The following FBXW8 variants were observed in gnomAD, a reference collection of about 807,000 sequenced individuals.
FBXW8 encodes F-box and WD repeat domain containing 8, also known as F-box/WD repeat-containing protein 8.
Under a neutral mutation model 65.3 loss-of-function variants are expected in FBXW8, and 57 were observed. The ratio of observed to expected loss-of-function variants is 0.87; its 90% CI spans 0.71 to 1.09. FBXW8 has a LOEUF of 1.09. FBXW8 is among the 50% of genes least tolerant of loss of function. The pLI, the probability that FBXW8 is intolerant of heterozygous loss-of-function variation, is 0.00. For missense variants in FBXW8, 777 were observed against 814.8 expected (o/e 0.95, Z 0.57); for synonymous variants, 308 against 330.2 (o/e 0.93, Z 0.73).
intron 5 of FBXW8, among the ~76,000 whole-genome samples, chr12:116,969,807 T>C (rs1193154527): frequency 6.6e-6 from 1 of 151,992 alleles, no homozygotes; most frequent in Admixed American, 6.5e-5. Context: ...CTTTGCTCCG[T>C]AGGAACACTG....
chr12:116,964,757 C>T lies in FBXW8; in HGVS notation c.738C>T (p.Phe246=). The part of the protein sequence containing the change: ...DTRTWDYVAP[F]LESEDEEDEP... ...GCACCTGGGACTACGTAGCCCCCTT[C>T]CTGGAATCAGAGGACGAGGAGGATG... The change falls in exon 5 of 11, where the codon TTC becomes TTT. Residue 246 remains phenylalanine, a synonymous_variant. Transcript: ENST00000652555. 1 of 1,613,642 alleles carries T rather than the reference C, an allele frequency of 6.2e-7. No individual in the cohort carries two copies. The highest frequency in any genetic ancestry group is 8.5e-7 in the Non-Finnish European group (1 of 1,180,012).
chr12:116,961,184 C>T lies in FBXW8; in HGVS notation c.678-3513C>T, dbSNP rs920094022. 3.9e-5 allele frequency among the ~76,000 whole-genome samples: 6 copies of T among 152,100 alleles called. No individual in the cohort carries two copies. Among genetic ancestry groups the T allele is most frequent in the African/African-American group, 7.2e-5 (3 of 41,412 alleles). ...CTAATTTTTGCATTTTTAGTAGAGACGAGGTTTCACCCTGTTGGCCAGGCT... is the reference window on the plus strand; with the variant it reads ...CTAATTTTTGCATTTTTAGTAGAGATGAGGTTTCACCCTGTTGGCCAGGCT... On this transcript the variant is annotated intron_variant, in intron 4 of 10. Coordinates refer to ENST00000652555, the MANE Select transcript of FBXW8 (RefSeq NM_153348.3). This position sits in a 1 kb window ranked among gnomAD's most constrained non-coding sequence, Gnocchi z 4.4.
chr12:117,004,081 CCATT>C (rs1953615020), intron 7 of FBXW8, among the ~76,000 whole-genome samples: 1 of 152,166 alleles, frequency 6.6e-6, no homozygotes, highest in South Asian at 2.1e-4. Flanking sequence ...TGCTCACTGC[CCATT>C]CAGATTTCCC....
chr12:116,946,281 T>C (rs1882926997), intron 3 of FBXW8, among the ~76,000 whole-genome samples: 1 of 152,170 alleles, frequency 6.6e-6, no homozygotes, highest in Admixed American at 6.5e-5. Flanking sequence ...ACAAATTGCC[T>C]ATGTGCCTGT....
intron 6 of FBXW8, among the ~76,000 whole-genome samples, chr12:116,987,979 A>G (rs1953135349): frequency 6.6e-6 from 1 of 152,178 alleles, no homozygotes; most frequent in African/African-American, 2.4e-5. Flanking sequence ...TTACCCGCTA[A>G]GCTTATCTGG....
intron 1 of FBXW8, among the ~76,000 whole-genome samples, chr12:116,922,323 T>C (rs1880973550): frequency 6.6e-6 from 1 of 152,164 alleles, no homozygotes; most frequent in Non-Finnish European, 1.5e-5. Flanking sequence ...TGTGTGGGTC[T>C]ACTCCACTCA....
intron 7 of FBXW8, among the ~76,000 whole-genome samples, chr12:116,995,586 GC>G (rs947374519): frequency 5.3e-5 from 8 of 152,180 alleles, no homozygotes; most frequent in Admixed American, 4.6e-4. Context: ...CCTACGTCTT[GC>G]CTTGTAAGCT....
rs1954319449 is a variant in FBXW8 at position 117,029,888 on chromosome 12, G to A, written c.*1716G>A. 1 of 151,656 alleles carries A rather than the reference G, an allele frequency of 6.6e-6. No homozygotes were observed. The highest frequency in any genetic ancestry group is 2.1e-4 in the South Asian group (1 of 4,816). The allele number at this position is 151,656 out of a possible 1,614,324, so 9.4% of individuals were successfully genotyped here. ...AGCCTCCCAAAGTGCTGGGATTACAGGTGTAAGTCACTGTACCCAGCCCAA... is the reference window on the plus strand; with the variant it reads ...AGCCTCCCAAAGTGCTGGGATTACAAGTGTAAGTCACTGTACCCAGCCCAA... On this transcript the variant is annotated 3_prime_UTR_variant, in exon 11 of 11. Coordinates refer to ENST00000652555, the MANE Select transcript of FBXW8 (RefSeq NM_153348.3).
chr12:117,014,968 T>C (rs1953914515), intron 8 of FBXW8, among the ~76,000 whole-genome samples: 1 of 152,208 alleles, frequency 6.6e-6, no homozygotes, highest in East Asian at 1.9e-4. Context: ...ATCAGAGTTC[T>C]ACCTGCCGGC....
At chr12:117,024,847 G>C (rs1052961965) in intron 9 of FBXW8, among the ~76,000 whole-genome samples, 1 of 152,138 alleles carries the variant, frequency 6.6e-6, no homozygotes, top group Non-Finnish European at 1.5e-5. Context: ...AGAGCACTTA[G>C]GACTGAAGGG....
chr12:117,026,713 G>A (rs1434740940), intron 9 of FBXW8, among the ~76,000 whole-genome samples: 1 of 152,206 alleles, frequency 6.6e-6, no homozygotes, highest in Non-Finnish European at 1.5e-5. Flanking sequence ...CATGTTTTCT[G>A]GGACTGCATC....
At chr12:116,997,667 C>T (rs1033090459) in intron 7 of FBXW8, among the ~76,000 whole-genome samples, 11 of 152,144 alleles carry the variant, frequency 7.2e-5, no homozygotes, top group Non-Finnish European at 1.3e-4. Flanking sequence ...GGGGTTCCAT[C>T]GGCTGGAAGC....
chr12:117,014,782 C>T (rs77898501), intron 8 of FBXW8, among the ~76,000 whole-genome samples: 4,672 of 152,280 alleles, frequency 0.031, 202 homozygotes, highest in African/African-American at 0.091. Flanking sequence ...AAGCCGTTGC[C>T]GTCCTGCTTT....
intron 7 of FBXW8, among the ~76,000 whole-genome samples, chr12:117,005,695 G>A (rs532737329): frequency 5.0e-4 from 76 of 152,204 alleles, no homozygotes; most frequent in Non-Finnish European, 8.4e-4. Context: ...ATGTGCCAAG[G>A]ACATCATGGA....
At chr12:116,928,898 C>T (rs1297090357) in intron 2 of FBXW8, among the ~76,000 whole-genome samples, 1 of 152,102 alleles carries the variant, frequency 6.6e-6, no homozygotes, top group Admixed American at 6.5e-5. Flanking sequence ...GCAACCTCTG[C>T]CTCCCAGGCC....
intron 7 of FBXW8, among the ~76,000 whole-genome samples, chr12:116,992,761 G>GGT (rs59119067): frequency 0.067 from 9,626 of 143,470 alleles, 372 homozygotes; most frequent in South Asian, 0.15. Context: ...ATTATTCCAT[G>GGT]GTGTGTGTGT....
At chr12:116,940,593 G>A (rs1454375241) in intron 2 of FBXW8, among the ~76,000 whole-genome samples, 1 of 151,408 alleles carries the variant, frequency 6.6e-6, no homozygotes, top group African/African-American at 2.4e-5. Flanking sequence ...GAATGTGAAC[G>A]GTGAGAGATA....
intron 5 of FBXW8, among the ~76,000 whole-genome samples, chr12:116,974,528 G>A (rs1451165890): frequency 6.6e-6 from 1 of 152,226 alleles, no homozygotes. Flanking sequence ...CCGATTCTGA[G>A]TGTCTTAATT....
intron 3 of FBXW8, 123 bp from the exon 4 acceptor site, chr12:116,949,495 T>C: frequency 1.2e-6 from 1 of 800,522 alleles, no homozygotes; most frequent in East Asian, 2.6e-5. Flanking sequence ...CCATGGAACT[T>C]TGAATGCACT....
Sources: allele counts gnomAD v4.1 joint callset (sites outside exome capture counted in the v4.1 genomes callset), GRCh38; gene constraint gnomAD v4.1.1; non-coding constraint Gnocchi (gnomAD v3.1); transcripts MANE v1.5; gene names NCBI Gene and HGNC (gene_info 2026-07-23, HGNC 2026-07-21).